Variants in CRISPLD2 observed in about 807,000 individuals in gnomAD.
The protein encoded by CRISPLD2 is cysteine-rich secretory protein LCCL domain-containing 2.
Under a neutral mutation model 71.1 loss-of-function variants are expected in CRISPLD2, and 47 were observed. That is an observed-to-expected ratio of 0.66 (90% CI 0.52 to 0.84). The LOEUF (loss-of-function observed/expected upper bound fraction) is 0.84, where lower values mean the gene tolerates loss of function less well. CRISPLD2 is among the 40% of genes least tolerant of loss of function. The pLI is 0.00. For missense variants in CRISPLD2, 830 were observed against 651.1 expected, an observed-to-expected ratio of 1.27 and a Z score of -2.99; for synonymous variants, 317 against 250.1, an observed-to-expected ratio of 1.27 and a Z score of -2.52.
chr16:84,831,457 C>T (rs1597446197), intron 1 of CRISPLD2, among the ~76,000 whole-genome samples: 2 of 152,122 alleles, frequency 1.3e-5, no homozygotes, highest in East Asian at 3.9e-4. Context: ...GGCTGGAAAG[C>T]AGTAGCACGA....
At chr16:84,862,076 C>T (rs1231187676) in intron 6 of CRISPLD2, among the ~76,000 whole-genome samples, 2 of 152,194 alleles carry the variant, frequency 1.3e-5, no homozygotes, top group African/African-American at 2.4e-5. Flanking sequence ...CTCCTGTGTC[C>T]TTGCCCCCAT....
At chr16:84,840,791 C>T (rs1210419188) in intron 2 of CRISPLD2, among the ~76,000 whole-genome samples, 2 of 152,190 alleles carry the variant, frequency 1.3e-5, no homozygotes, top group African/African-American at 4.8e-5. Context: ...ATCCACCCAC[C>T]TCAGCCTCCG....
intron 12 of CRISPLD2, among the ~76,000 whole-genome samples, chr16:84,879,349 C>G (rs529152114): frequency 4.8e-5 from 7 of 145,258 alleles, no homozygotes; most frequent in South Asian, 2.2e-4. Flanking sequence ...TGTTCTTAGA[C>G]TCTTTCCAAT....
chr16:84,885,583 G>A (rs1454101888), intron 13 of CRISPLD2, among the ~76,000 whole-genome samples: 2 of 152,158 alleles, frequency 1.3e-5, no homozygotes, highest in African/African-American at 4.8e-5. Context: ...TTTGGGCTAA[G>A]GAACCCCGCC....
intron 14 of CRISPLD2, among the ~76,000 whole-genome samples, chr16:84,899,774 C>G (rs2071737386): frequency 6.6e-6 from 1 of 152,142 alleles, no homozygotes; most frequent in Non-Finnish European, 1.5e-5. Context: ...TGGACGGCAG[C>G]CTGAATGGTT....
At chr16:84,873,565 A>C (rs1196016470) in intron 10 of CRISPLD2, 1 of 215,070 alleles carries the variant, frequency 4.6e-6, no homozygotes, top group African/African-American at 2.3e-5. Context: ...GTGTTTTTAT[A>C]ATTTGATCAT....
At chr16:84,831,552 G>A (rs572471869) in intron 1 of CRISPLD2, among the ~76,000 whole-genome samples, 9 of 151,174 alleles carry the variant, frequency 6.0e-5, no homozygotes, top group East Asian at 2.0e-4. Flanking sequence ...ATGTGGCACC[G>A]TGCTTGGCTA....
intron 13 of CRISPLD2, among the ~76,000 whole-genome samples, chr16:84,887,388 G>A (rs904619818): frequency 6.6e-6 from 1 of 152,310 alleles, no homozygotes; most frequent in East Asian, 1.9e-4. Context: ...AGCCACGGCC[G>A]TGACATCACT....
chr16:84,823,987 A>G (rs1046727869), intron 1 of CRISPLD2, among the ~76,000 whole-genome samples: 1 of 152,166 alleles, frequency 6.6e-6, no homozygotes, highest in African/African-American at 2.4e-5. Context: ...TTGAATAGGG[A>G]AAAGACTCAA....
rs1364853915 is a variant in CRISPLD2 at position 84,909,048 on chromosome 16, A to G, written c.*2406A>G. The G allele has an allele frequency of 6.6e-6, 1 of 152,234 alleles. No homozygotes were observed. Among genetic ancestry groups the G allele is most frequent in the African/African-American group, 2.4e-5 (1 of 41,434 alleles). 9.4% of individuals were successfully genotyped at this position (152,234 alleles called of 1,614,324 possible). A position where few individuals can be genotyped will look rare whatever the true frequency, so the allele number is the denominator to read the frequency against. On this transcript the variant is annotated 3_prime_UTR_variant, in exon 15 of 15. Transcript: ENST00000262424. ...TTTTGAAACTGGAATATTTGTCTTC[A>G]GAAAATGGAAACAAGACTATAAATG...
At chr16:84,858,498 A>G (rs1215615533) in intron 6 of CRISPLD2, among the ~76,000 whole-genome samples, 1 of 152,232 alleles carries the variant, frequency 6.6e-6, no homozygotes, top group Non-Finnish European at 1.5e-5. Flanking sequence ...TTACCAAGGT[A>G]GAAGTTTCCT....
At chr16:84,869,539 G>T (rs928553254) in intron 8 of CRISPLD2, among the ~76,000 whole-genome samples, 1 of 152,266 alleles carries the variant, frequency 6.6e-6, no homozygotes, top group African/African-American at 2.4e-5. Flanking sequence ...TGGCAGGACT[G>T]TGATGAGATG....
At chr16:84,867,356 C>A (rs1457295898) in intron 7 of CRISPLD2, among the ~76,000 whole-genome samples, 1 of 152,186 alleles carries the variant, frequency 6.6e-6, no homozygotes, top group African/African-American at 2.4e-5. Context: ...CTCTGGGAAG[C>A]GCTGGCCCTG....
At chr16:84,854,618 C>G (rs1031686512) in intron 5 of CRISPLD2, 111 bp from the exon 6 acceptor site, 22 of 774,534 alleles carry the variant, frequency 2.8e-5, no homozygotes, top group Non-Finnish European at 2.3e-5. Context: ...ACCTTCCCCC[C>G]TGACCTGTCA....
intron 1 of CRISPLD2, among the ~76,000 whole-genome samples, chr16:84,827,889 C>T (rs1351205375): frequency 6.6e-6 from 1 of 152,136 alleles, no homozygotes; most frequent in African/African-American, 2.4e-5. Context: ...TCTTTAAGAG[C>T]TCAGCAGGAC....
At chr16:84,852,074 T>G (rs113561242) in intron 5 of CRISPLD2, among the ~76,000 whole-genome samples, 200 of 151,766 alleles carry the variant, frequency 1.3e-3, no homozygotes, top group African/African-American at 4.5e-3. Context: ...CGGGCTCCAG[T>G]GGGAGCTCTC....
intron 8 of CRISPLD2, among the ~76,000 whole-genome samples, chr16:84,870,797 G>A (rs1169108478): frequency 6.6e-6 from 1 of 151,962 alleles, no homozygotes; most frequent in Non-Finnish European, 1.5e-5. Context: ...GGTGGCTCAA[G>A]CCTGTAATCC....
At chr16:84,833,591 A>G (rs1360915320) in intron 1 of CRISPLD2, among the ~76,000 whole-genome samples, 1 of 152,102 alleles carries the variant, frequency 6.6e-6, no homozygotes, top group African/African-American at 2.4e-5. Context: ...CACTCGGGGC[A>G]GCCACCAAAG....
intron 1 of CRISPLD2, among the ~76,000 whole-genome samples, chr16:84,821,900 TG>T (rs916908202): frequency 5.9e-5 from 9 of 152,204 alleles, no homozygotes; most frequent in Non-Finnish European, 1.2e-4. Flanking sequence ...AGGAGTTAGT[TG>T]AGGCTCAGAA....
Sources: gnomAD v4.1 joint callset for allele counts (sites outside exome capture counted in the v4.1 genomes callset) on GRCh38, gnomAD v4.1.1 for gene constraint, MANE v1.5 for transcripts, NCBI Gene and HGNC (gene_info 2026-07-23, HGNC 2026-07-21) for gene names.